The following IL33 variants were observed in gnomAD, a reference collection of about 807,000 sequenced individuals.
The protein encoded by IL33 is interleukin-33.
A neutral mutation model predicts 27.3 loss-of-function variants in IL33; 37 were observed. The ratio of observed to expected loss-of-function variants is 1.36; its 90% CI spans 1.04 to 1.78. The LOEUF (loss-of-function observed/expected upper bound fraction) is 1.78, where lower values mean the gene tolerates loss of function less well. IL33 is among the 40% of genes most tolerant of loss of function. The pLI is 0.00. For missense variants in IL33, 406 were observed against 311.4 expected (o/e 1.30, Z -2.29); for synonymous variants, 132 against 102.9 (o/e 1.28, Z -1.71).
chr9:6,236,820 G>A (rs1235414018), intron 1 of IL33, among the ~76,000 whole-genome samples: 1 of 152,206 alleles, frequency 6.6e-6, no homozygotes, highest in African/African-American at 2.4e-5. Context: ...GCAGTGAGCT[G>A]AGATCGTGCC....
intron 1 of IL33, among the ~76,000 whole-genome samples, chr9:6,232,301 A>G (rs1170355965): frequency 6.6e-6 from 1 of 152,224 alleles, no homozygotes; most frequent in Non-Finnish European, 1.5e-5. Context: ...AGCCAAAGAG[A>G]AAACTACGCA....
At chr9:6,229,405 C>G (rs1028676285) in intron 1 of IL33, among the ~76,000 whole-genome samples, 3 of 152,202 alleles carry the variant, frequency 2.0e-5, no homozygotes, top group African/African-American at 7.2e-5. Flanking sequence ...AATGTTCAGT[C>G]ACACTAAAAC....
Position 6,251,268 on chromosome 9 carries a change from A to T in IL33, c.343+3A>T. ...ACTTCATGATTCAAGTATCACAGGTATGACTGGTTACAGGGGTGATGTGGG... is the reference window on the plus strand; with the variant it reads ...ACTTCATGATTCAAGTATCACAGGTTTGACTGGTTACAGGGGTGATGTGGG... On this transcript the variant is annotated splice_donor_region_variant and intron_variant, in intron 4 of 7. Coordinates refer to ENST00000682010, the MANE Select transcript of IL33 (RefSeq NM_033439.4). 6.2e-7 allele frequency: 1 copy of T among 1,612,916 alleles called. No homozygotes were observed. Among genetic ancestry groups the T allele is most frequent in the Non-Finnish European group, 8.5e-7 (1 of 1,179,148 alleles).
At chr9:6,239,737 G>A (rs1353643985) in intron 1 of IL33, among the ~76,000 whole-genome samples, 1 of 152,038 alleles carries the variant, frequency 6.6e-6, no homozygotes, top group Non-Finnish European at 1.5e-5. Context: ...CCCAGACAAT[G>A]AGGCCTATTT....
chr9:6,252,581 G>A (rs1051793324), intron 4 of IL33, among the ~76,000 whole-genome samples: 10 of 152,150 alleles, frequency 6.6e-5, no homozygotes, highest in African/African-American at 2.4e-4. Flanking sequence ...GTTTCCTCAA[G>A]CAATGTCTGT....
intron 1 of IL33, among the ~76,000 whole-genome samples, chr9:6,227,324 C>T (rs1284035165): frequency 6.6e-6 from 1 of 152,174 alleles, no homozygotes; most frequent in Non-Finnish European, 1.5e-5. Context: ...ATATAGTAGA[C>T]AACTTTAGAA....
intron 1 of IL33, among the ~76,000 whole-genome samples, chr9:6,220,981 T>A (rs1818388294): frequency 6.6e-6 from 1 of 152,154 alleles, no homozygotes; most frequent in African/African-American, 2.4e-5. Context: ...CTCAAACTCC[T>A]GGGCTTAAGT....
chr9:6,249,778 T>C (rs971432714), intron 2 of IL33, among the ~76,000 whole-genome samples: 3 of 152,176 alleles, frequency 2.0e-5, no homozygotes, highest in African/African-American at 7.2e-5. Context: ...TTATCATCTG[T>C]AAAATGGGGA....
At chr9:6,251,668 A>T (rs1467625639) in intron 4 of IL33, among the ~76,000 whole-genome samples, 1 of 152,040 alleles carries the variant, frequency 6.6e-6, no homozygotes, top group African/African-American at 2.4e-5. Context: ...AGTAGTTAAG[A>T]TGGTTTTAAA....
chr9:6,229,162 G>C (rs1818804050), intron 1 of IL33, among the ~76,000 whole-genome samples: 1 of 152,232 alleles, frequency 6.6e-6, no homozygotes, highest in Non-Finnish European at 1.5e-5. Context: ...GGAGGAAAAT[G>C]CTGGCTTTCA....
At chr9:6,235,028 C>A (rs1819117284) in intron 1 of IL33, among the ~76,000 whole-genome samples, 1 of 152,106 alleles carries the variant, frequency 6.6e-6, no homozygotes, top group South Asian at 2.1e-4. Context: ...CAAATGTATT[C>A]TTTTTTCACT....
At position 6,252,873 on chromosome 9, in the gene IL33, A is replaced by T. The variant is rs770789704; in HGVS notation, c.351A>T (p.Ser117=). ...TTGAATTCTTAACAACAGGAATTTCACCTATTACAGAGTATCTTGCTTCTC... is the reference window on the plus strand; with the variant it reads ...TTGAATTCTTAACAACAGGAATTTCTCCTATTACAGAGTATCTTGCTTCTC... ...ALHDSSITGI[S]PITEYLASLS... is the part of the protein sequence containing the mutation. The change falls in exon 5 of 8, where the codon TCA becomes TCT. Residue 117 remains serine, a synonymous_variant. Transcript: ENST00000682010. 6.2e-7 allele frequency: 1 copy of T among 1,601,672 alleles called. No individual in the cohort carries two copies. Among genetic ancestry groups the T allele is most frequent in the Non-Finnish European group, 8.5e-7 (1 of 1,176,974 alleles).
intron 1 of IL33, among the ~76,000 whole-genome samples, chr9:6,216,135 T>C (rs1044438726): frequency 9.5e-5 from 14 of 147,416 alleles, no homozygotes; most frequent in African/African-American, 3.6e-4. Flanking sequence ...TTTATTTTAT[T>C]TTATGTTTTT....
chr9:6,230,299 C>T (rs1818864271), intron 1 of IL33, among the ~76,000 whole-genome samples: 1 of 152,140 alleles, frequency 6.6e-6, no homozygotes, highest in African/African-American at 2.4e-5. Context: ...TACTAGGTAT[C>T]TTTATAGAGT....
chr9:6,219,992 G>T (rs1032367537), intron 1 of IL33, among the ~76,000 whole-genome samples: 3 of 152,166 alleles, frequency 2.0e-5, no homozygotes, highest in Non-Finnish European at 4.4e-5. Flanking sequence ...TCTTTGTGAA[G>T]CTATTTTCTT....
chr9:6,238,110 G>A (rs1474651482), intron 1 of IL33, among the ~76,000 whole-genome samples: 2 of 152,138 alleles, frequency 1.3e-5, no homozygotes, highest in Non-Finnish European at 2.9e-5. Flanking sequence ...CTGTTTTGAG[G>A]CGGAAAGGGA....
chr9:6,234,459 C>T (rs569512925), intron 1 of IL33, among the ~76,000 whole-genome samples: 9 of 152,332 alleles, frequency 5.9e-5, no homozygotes, highest in Admixed American at 3.9e-4. Flanking sequence ...AGAGCAGGTA[C>T]ACCCACATCC....
Position 6,253,599 on chromosome 9 carries a change from T to C in IL33, c.517T>C (p.Ser173Pro), listed in dbSNP as rs1816543620. The C allele has an allele frequency of 3.7e-6, 6 of 1,606,504 alleles. No homozygotes were observed. In the Admixed American group the frequency reaches 8.4e-5, roughly 22 times the overall value. ...TGAGTCTCAACACCCCTCAAATGAA[T>C]CAGGTAATTTGGAGGGCTGGGTAGC... ...YYESQHPSNE[S>P]GDGVDGKMLM... Residue 173 changes from serine (S) to proline (P), a missense_variant, in exon 6 of 8, where the codon TCA becomes CCA. By Grantham distance (74) the Ser-to-Pro change is moderately conservative. Coordinates refer to ENST00000682010, the MANE Select transcript of IL33 (RefSeq NM_033439.4).
chr9:6,250,195 C>T (rs929828337), intron 2 of IL33, among the ~76,000 whole-genome samples: 3 of 152,140 alleles, frequency 2.0e-5, no homozygotes, highest in Non-Finnish European at 4.4e-5. Flanking sequence ...CTTTATTTCA[C>T]TTTGTGTAAA....
Sources: allele counts gnomAD v4.1 joint callset (sites outside exome capture counted in the v4.1 genomes callset), GRCh38; gene constraint gnomAD v4.1.1; transcripts MANE v1.5; gene names NCBI Gene and HGNC (gene_info 2026-07-23, HGNC 2026-07-21).